DYNC2I1: variants seen among roughly 807,000 people sequenced by gnomAD.
DYNC2I1 encodes cytoplasmic dynein 2 intermediate chain 1.
In DYNC2I1, 89 loss-of-function variants were observed where a neutral mutation model predicts 133.4. The observed-to-expected ratio is 0.67, with a 90% CI of 0.56 to 0.80. The LOEUF is 0.80. DYNC2I1 is among the 30% of genes least tolerant of loss of function. The pLI is 0.00. For synonymous variants in DYNC2I1, 504 were observed against 484.3 expected, an observed-to-expected ratio of 1.04 and a Z score of -0.54; for missense variants, 1,291 against 1,314.5, an observed-to-expected ratio of 0.98 and a Z score of 0.28.
At chr7:158,847,788 G>A in the DYNC2I1 span, among the ~76,000 whole-genome samples, 37 of 152,090 alleles carry the variant, frequency 2.4e-4, no homozygotes, top group Non-Finnish European at 5.0e-4. Context: ...GAAAAATTAA[G>A]CCAAGGCAAA....
At chr7:158,951,703 C>T (rs1852056879) in intron 4 of DYNC2I1, among the ~76,000 whole-genome samples, 1 of 152,224 alleles carries the variant, frequency 6.6e-6, no homozygotes, top group African/African-American at 2.4e-5. Flanking sequence ...GTCTTCACCC[C>T]TCTAACTCCC....
chr7:158,885,821 C>T (rs925470942), intron 6 of DYNC2I1, among the ~76,000 whole-genome samples: 1 of 152,138 alleles, frequency 6.6e-6, no homozygotes, highest in African/African-American at 2.4e-5. Context: ...TGCATGTCCA[C>T]TAGAAGGCAC....
intron 1 of DYNC2I1, among the ~76,000 whole-genome samples, chr7:158,867,265 G>A (rs907703338): frequency 1.2e-4 from 18 of 152,104 alleles, no homozygotes; most frequent in African/African-American, 4.3e-4. Flanking sequence ...GTGGTGATAC[G>A]CGGTTAGGTT....
At chr7:158,895,118 T>C (rs542952315) in intron 8 of DYNC2I1, among the ~76,000 whole-genome samples, 8 of 152,354 alleles carry the variant, frequency 5.3e-5, no homozygotes, top group African/African-American at 9.6e-5. Flanking sequence ...CCTGTTGACA[T>C]TGTCTCTTAC....
chr7:158,884,858 T>C (rs2129480081), intron 6 of DYNC2I1, among the ~76,000 whole-genome samples: 1 of 152,202 alleles, frequency 6.6e-6, no homozygotes, highest in South Asian at 2.1e-4. Context: ...AAATTAATTA[T>C]ATTTTAATTT....
intron 1 of DYNC2I1, among the ~76,000 whole-genome samples, chr7:158,861,985 G>GA (rs1182500769): frequency 1.3e-5 from 2 of 151,908 alleles, no homozygotes; most frequent in East Asian, 1.9e-4. Context: ...AGGAATTTTG[G>GA]AAAAAAAATG....
the DYNC2I1 span, among the ~76,000 whole-genome samples, chr7:158,850,018 A>G: frequency 3.3e-5 from 5 of 152,168 alleles, no homozygotes; most frequent in Admixed American, 2.6e-4. Flanking sequence ...TCCCACTGCC[A>G]TTCATGGCCC....
At chr7:158,913,626 TC>T (rs2129485026) in intron 13 of DYNC2I1, among the ~76,000 whole-genome samples, 1 of 152,356 alleles carries the variant, frequency 6.6e-6, no homozygotes, top group African/African-American at 2.4e-5. Context: ...TGTATATTAC[TC>T]CCTTTTCTCA....
chr7:158,859,228 T>C (rs1396190965), intron 1 of DYNC2I1, among the ~76,000 whole-genome samples: 4 of 151,582 alleles, frequency 2.6e-5, no homozygotes, highest in Non-Finnish European at 5.9e-5. Flanking sequence ...ATATCCTTAT[T>C]ATACTGATAG....
chr7:158,862,644 CAGG>C (rs904517695), intron 1 of DYNC2I1, among the ~76,000 whole-genome samples: 5 of 151,414 alleles, frequency 3.3e-5, no homozygotes, highest in Non-Finnish European at 5.9e-5. Context: ...TTCTTGAGCA[CAGG>C]AGGTCAAGGC....
intron 3 of DYNC2I1, among the ~76,000 whole-genome samples, chr7:158,874,056 G>T (rs934583260): frequency 3.3e-5 from 5 of 151,810 alleles, no homozygotes; most frequent in African/African-American, 1.2e-4. Flanking sequence ...ACAGCGCCCG[G>T]CCAGCACCTG....
chr7:158,919,137 A>G (rs1460103366), intron 15 of DYNC2I1, among the ~76,000 whole-genome samples: 1 of 152,216 alleles, frequency 6.6e-6, no homozygotes, highest in African/African-American at 2.4e-5. Flanking sequence ...ATGAATGGGA[A>G]CTGAGATTTT....
intron 7 of DYNC2I1, among the ~76,000 whole-genome samples, chr7:158,890,145 G>A (rs1845060120): frequency 6.6e-6 from 1 of 151,928 alleles, no homozygotes; most frequent in South Asian, 2.1e-4. Context: ...ACCACAACTG[G>A]CCTATAATTT....
intron 23 of DYNC2I1, among the ~76,000 whole-genome samples, chr7:158,937,622 G>GA (rs71189438): frequency 0.026 from 2,840 of 109,432 alleles, 245 homozygotes; most frequent in African/African-American, 0.094. Context: ...ACTGTCTCAA[G>GA]AAAAAAAAAA....
In DYNC2I1 at chr7:158,911,608, C is replaced by T. The variant is rs529737662; in HGVS notation, c.1519C>T (p.Leu507Phe). ...IDLDFSFTFS[L>F]LDLPPVNEYD... ...CTTAGATTTTTCATTTACTTTCTCT[C>T]TCTTGGATCTACCACCAGTAAATGA... The change falls in exon 12 of 25, where the codon CTC becomes TTC. Residue 507 changes from leucine to phenylalanine, a missense_variant. Transcript: ENST00000407559. The T allele has an allele frequency of 1.2e-6, 2 of 1,613,526 alleles. No individual in the cohort carries two copies. Among genetic ancestry groups the T allele is most frequent in the Non-Finnish European group, 1.7e-6 (2 of 1,179,720 alleles).
chr7:158,887,738 A>G (rs1012000293), intron 7 of DYNC2I1, among the ~76,000 whole-genome samples: 6 of 152,200 alleles, frequency 3.9e-5, no homozygotes, highest in Admixed American at 1.3e-4. Flanking sequence ...GGCAAATTCT[A>G]CCAAGCACAT....
intron 1 of DYNC2I1, among the ~76,000 whole-genome samples, chr7:158,863,750 G>T: frequency 2.1e-5 from 2 of 95,980 alleles, no homozygotes; most frequent in Admixed American, 1.1e-4. Context: ...GGTGTGTGGG[G>T]GGAAGGGGGA....
chr7:158,937,355 G>A (rs563802103), intron 23 of DYNC2I1, among the ~76,000 whole-genome samples: 39 of 152,270 alleles, frequency 2.6e-4, no homozygotes, highest in African/African-American at 8.9e-4. Flanking sequence ...TGCTGGGCGC[G>A]GTGGCTCACG....
intron 4 of DYNC2I1, among the ~76,000 whole-genome samples, chr7:158,879,320 G>A (rs1224126718): frequency 6.6e-6 from 1 of 151,974 alleles, no homozygotes; most frequent in African/African-American, 2.4e-5. Context: ...GTCGTCCCTT[G>A]GTATCCATGG....
Sources: gnomAD v4.1 joint callset for allele counts (sites outside exome capture counted in the v4.1 genomes callset) on GRCh38, gnomAD v4.1.1 for gene constraint, MANE v1.5 for transcripts, NCBI Gene and HGNC (gene_info 2026-07-23, HGNC 2026-07-21) for gene names.